The following KLF4 variants were observed in gnomAD, a reference collection of about 807,000 sequenced individuals.
KLF4 encodes the protein KLF transcription factor 4, also known as Krueppel-like factor 4.
In KLF4, 14 loss-of-function variants were observed where a neutral mutation model predicts 38.0. That is an observed-to-expected ratio of 0.37 (90% CI 0.24 to 0.58). The LOEUF (loss-of-function observed/expected upper bound fraction) is 0.58. KLF4 is among the 20% of genes least tolerant of loss of function. The pLI, the probability that KLF4 is intolerant of heterozygous loss-of-function variation, is 0.76. For missense variants in KLF4, 737 were observed against 670.1 expected (o/e 1.10, Z -1.10); for synonymous variants, 398 against 302.5 (o/e 1.32, Z -3.28).
rs1240581626 is a variant in KLF4, at chr9:107,488,911, G to A, written c.126+19C>T. 1.9e-6 allele frequency: 3 copies of A among 1,546,372 alleles called. No individual in the cohort carries two copies. Among genetic ancestry groups the A allele is most frequent in the Admixed American group, 2.0e-5 (1 of 50,792 alleles). On this transcript the variant is annotated intron_variant, in intron 2 of 4. Transcript: ENST00000374672. The surrounding 1 kb of genome is among the most constrained non-coding windows in gnomAD (Gnocchi z 5.7). ...CGAAAACCCACCGGGCGTTCCCGGC[G>A]GCCCGGAGCGATACTCACGTTATTC... is the stretch of plus-strand genomic sequence containing the variant.
In KLF4 at chr9:107,489,323, C is replaced by T; in HGVS notation, c.-151G>A. Reference sequence around the variant, plus strand: ...TGGATTAAATATAACTTGGAAGCGTCTTTTTTAAAAAGTTCCTTTGTATAC... The same window carrying T: ...TGGATTAAATATAACTTGGAAGCGTTTTTTTTAAAAAGTTCCTTTGTATAC... On this transcript the variant is annotated 5_prime_UTR_variant, in exon 1 of 5. Coordinates refer to ENST00000374672, the MANE Select transcript of KLF4 (RefSeq NM_004235.6). 9.0e-7 allele frequency: 1 copy of T among 1,113,188 alleles called. No individual in the cohort carries two copies. Among genetic ancestry groups the T allele is most frequent in the Non-Finnish European group, 1.2e-6 (1 of 830,884 alleles). 69.0% of individuals were successfully genotyped at this position (1,113,188 alleles called of 1,614,324 possible).
At position 107,487,451 on chromosome 9, in the gene KLF4, T is replaced by C. The variant is rs959480861; in HGVS notation, c.943A>G (p.Thr315Ala). Residue 315 changes from threonine (T) to alanine (A), a missense_variant, in exon 3 of 5, where the codon ACT becomes GCT. This residue lies in a region of KLF4 where 695 missense variants were observed against 554.5 expected (regional missense o/e 1.25). Transcript: ENST00000374672. The surrounding 1 kb of genome is among the most constrained non-coding windows in gnomAD (Gnocchi z 6.1). ...FPLGRQLPSR[T>A]TPTLGLEEVL... ...TCCTCAAGACCCAGGGTCGGGGTAG[T>C]CCTGCTGGGGAGCTGCCGCCCCAGG... 6.5e-7 allele frequency: 1 copy of C among 1,532,112 alleles called. No homozygotes were observed. Among genetic ancestry groups the C allele is most frequent in the African/African-American group, 1.4e-5 (1 of 72,588 alleles). 94.9% of individuals were successfully genotyped at this position (1,532,112 alleles called of 1,614,324 possible).
Position 107,488,273 on chromosome 9 carries a change from G to A in KLF4, c.127-6C>T, listed in dbSNP as rs1310569126. The A allele has an allele frequency of 1.3e-6, 2 of 1,590,276 alleles. No homozygotes were observed. Among genetic ancestry groups the A allele is most frequent in the Non-Finnish European group, 1.7e-6 (2 of 1,170,960 alleles). ...GAGAGCTCCTCCCGCCAGCGCTGCG[G>A]GGACAGGGCGGGAGAGACCTGTCAG... is the stretch of plus-strand genomic sequence containing the variant. On this transcript the variant is annotated splice_region_variant and splice_polypyrimidine_tract_variant and intron_variant, in intron 2 of 4. Transcript: ENST00000374672. The surrounding 1 kb of genome is among the most constrained non-coding windows in gnomAD (Gnocchi z 5.7).
Position 107,487,693 on chromosome 9 carries a change from G to A in KLF4, c.701C>T (p.Ser234Leu), listed in dbSNP as rs761126579. 1.2e-6 allele frequency: 2 copies of A among 1,605,376 alleles called. No homozygotes were observed. Among genetic ancestry groups the A allele is most frequent in the Non-Finnish European group, 1.7e-6 (2 of 1,177,992 alleles). ...GTACTCGCTGCCAGGGGCGCTCAGC[G>A]ACGCCTTCAGCACGAACTTGCCCAT... ...GLMGKFVLKA[S>L]LSAPGSEYGS... The change falls in exon 3 of 5, where the codon TCG becomes TTG. Residue 234 changes from serine (S) to leucine (L), a missense_variant. Coordinates refer to ENST00000374672, the MANE Select transcript of KLF4 (RefSeq NM_004235.6). This position sits in a 1 kb window ranked among gnomAD's most constrained non-coding sequence, Gnocchi z 6.1.
At position 107,489,230 on chromosome 9, in the gene KLF4, C is replaced by A; in HGVS notation, c.-58G>T. The A allele has an allele frequency of 6.9e-7, 1 of 1,441,956 alleles. No homozygotes were observed. The highest frequency in any genetic ancestry group is 2.6e-5 in the East Asian group (1 of 38,934). 89.3% of individuals were successfully genotyped at this position (1,441,956 alleles called of 1,614,324 possible). The stretch of plus-strand genomic sequence containing the variant: ...CGAAGCAGCTGGGGCACCTGAACCC[C>A]AAAGTCAACGAAGAGAAGAAACGAA... On this transcript the variant is annotated 5_prime_UTR_variant, in exon 1 of 5. Coordinates refer to ENST00000374672, the MANE Select transcript of KLF4 (RefSeq NM_004235.6).
Position 107,488,468 on chromosome 9 carries a change from C to G in KLF4, c.127-201G>C, listed in dbSNP as rs1564295400. On this transcript the variant is annotated intron_variant, in intron 2 of 4. Transcript: ENST00000374672. This position sits in a 1 kb window ranked among gnomAD's most constrained non-coding sequence, Gnocchi z 5.7. ...AAGAAGAGGTGATGCGTCTGTATTG[C>G]GGGTGTTATGTCCTGTCTGCCCAAT... The G allele has an allele frequency of 9.7e-6, 9 of 931,624 alleles. No individual in the cohort carries two copies. Among genetic ancestry groups the G allele is most frequent in the Middle Eastern group, 3.4e-4 (1 of 2,928 alleles). The allele number at this position is 931,624 out of a possible 1,614,324, so 57.7% of individuals were successfully genotyped here. A position where few individuals can be genotyped will look rare whatever the true frequency, so the allele number is the denominator to read the frequency against.
In KLF4 at chr9:107,487,766, G is replaced by A. The variant is rs1474381247; in HGVS notation, c.628C>T (p.Pro210Ser). Reference protein sequence around the residue: ...VAELLRPELDPVYIPPQQPQP... With the variant: ...VAELLRPELDSVYIPPQQPQP... ...GGCTGCTGCGGCGGAATGTACACCGGGTCCAATTCTGGCCGCAGGAGCTCG... is the reference window on the plus strand; with the variant it reads ...GGCTGCTGCGGCGGAATGTACACCGAGTCCAATTCTGGCCGCAGGAGCTCG... The change falls in exon 3 of 5, where the codon CCG becomes TCG. Residue 210 changes from proline to serine, a missense_variant. Physicochemically the swap from Pro to Ser is moderately conservative, Grantham distance 74. Coordinates refer to ENST00000374672, the MANE Select transcript of KLF4 (RefSeq NM_004235.6). This position sits in a 1 kb window ranked among gnomAD's most constrained non-coding sequence, Gnocchi z 6.1. The A allele has an allele frequency of 1.3e-6, 2 of 1,558,244 alleles. No individual in the cohort carries two copies. Among genetic ancestry groups the A allele is most frequent in the East Asian group, 2.4e-5 (1 of 41,754 alleles).
chr9:107,487,121 T>G lies in KLF4; in HGVS notation c.1171A>C (p.Lys391Gln). 2 of 1,614,182 alleles carry G rather than the reference T, an allele frequency of 1.2e-6. No homozygotes were observed. The highest frequency in any genetic ancestry group is 1.7e-6 in the Non-Finnish European group (2 of 1,180,034). Residue 391 changes from lysine (K) to glutamine (Q), a missense_variant, in exon 4 of 5, where the codon AAA (lysine) becomes CAA (glutamine). Physicochemically the swap from Lys to Gln is moderately conservative, Grantham distance 53. Around this residue, in one of 2 missense-constraint regions of KLF4, gnomAD observed 695 missense variants for 554.5 expected, o/e 1.25. Transcript: ENST00000374672. The surrounding 1 kb of genome is among the most constrained non-coding windows in gnomAD (Gnocchi z 6.1). The part of the protein sequence containing the change: ...PKRGRRSWPR[K>Q]RTATHTCDYA... Reference sequence around the variant, plus strand: ...TCACAAGTGTGGGTGGCGGTCCTTTTCCGGGGCCACGATCGTCTTCCCCTC... The same window carrying G: ...TCACAAGTGTGGGTGGCGGTCCTTTGCCGGGGCCACGATCGTCTTCCCCTC...
chr9:107,486,642 A>AC (rs912828383), intron 4 of KLF4, among the ~76,000 whole-genome samples: 4 of 152,062 alleles, frequency 2.6e-5, no homozygotes, highest in African/African-American at 9.7e-5. Flanking sequence ...TTAAAAAACG[A>AC]TTTTTTTAAA....
rs1829098948 is a variant in KLF4 at position 107,487,689 on chromosome 9, C to A, written c.705G>T (p.Leu235=). 6.2e-7 allele frequency: 1 copy of A among 1,605,972 alleles called. No homozygotes were observed. Among genetic ancestry groups the A allele is most frequent in the Non-Finnish European group, 8.5e-7 (1 of 1,178,448 alleles). Residue 235 remains leucine, a synonymous_variant, in exon 3 of 5, where the codon CTG becomes CTT. Transcript: ENST00000374672. The surrounding 1 kb of genome is among the most constrained non-coding windows in gnomAD (Gnocchi z 6.1). The part of the protein sequence containing the change: ...LMGKFVLKAS[L]SAPGSEYGSP... ...TGCCGTACTCGCTGCCAGGGGCGCT[C>A]AGCGACGCCTTCAGCACGAACTTGC...
rs956063677 is a variant in KLF4, at chr9:107,485,979, G to T, written c.1265-53C>A. 2.1e-5 allele frequency: 33 copies of T among 1,545,252 alleles called. 1 individual carries two copies. The South Asian group carries it at 3.9e-4, about 18-fold the overall frequency. ...GACGCTATTGCTATATCAAAGAATC[G>T]CCCCTTTTAAAAACTGAAGGCCAGA... On this transcript the variant is annotated intron_variant, in intron 4 of 4. Coordinates refer to ENST00000374672, the MANE Select transcript of KLF4 (RefSeq NM_004235.6). The surrounding 1 kb of genome is among the most constrained non-coding windows in gnomAD (Gnocchi z 4.9).
rs756456501 is a variant in KLF4, at chr9:107,488,032, G to A, written c.362C>T (p.Ala121Val). ...NSLTHPPESV[A>V]ATVSSSASAS... Reference sequence around the variant, plus strand: ...TGACGCTGACGAGGACACGGTGGCGGCCACTGACTCCGGAGGATGGGTCAG... The same window carrying A: ...TGACGCTGACGAGGACACGGTGGCGACCACTGACTCCGGAGGATGGGTCAG... Residue 121 changes from alanine to valine, a missense_variant, in exon 3 of 5, where the codon GCC becomes GTC. By Grantham distance (64) the Ala-to-Val change is moderately conservative. Transcript: ENST00000374672. This position sits in a 1 kb window ranked among gnomAD's most constrained non-coding sequence, Gnocchi z 5.7. 5.6e-6 allele frequency: 9 copies of A among 1,610,126 alleles called. No homozygotes were observed. The highest frequency in any genetic ancestry group is 5.9e-6 in the Non-Finnish European group (7 of 1,178,728).
chr9:107,487,937 G>A lies in KLF4; in HGVS notation c.457C>T (p.Pro153Ser). 6.3e-7 allele frequency: 1 copy of A among 1,581,504 alleles called. No individual in the cohort carries two copies. The highest frequency in any genetic ancestry group is 8.6e-7 in the Non-Finnish European group (1 of 1,164,544). The stretch of plus-strand genomic sequence containing the variant: ...CCCGGGTCGTTCCCGGCCCGGATCG[G>A]ATAGGTGAAGCTGCAGGTGGAGGGC... ...SAPSTCSFTYPIRAGNDPGVA... is the reference protein window; with the variant it reads ...SAPSTCSFTYSIRAGNDPGVA... Residue 153 changes from proline (P) to serine (S), a missense_variant, in exon 3 of 5, where the codon CCG (proline) becomes TCG (serine). Coordinates refer to ENST00000374672, the MANE Select transcript of KLF4 (RefSeq NM_004235.6). This position sits in a 1 kb window ranked among gnomAD's most constrained non-coding sequence, Gnocchi z 6.1.
rs142785663 is a variant in KLF4, at chr9:107,485,864, G to A, written c.1327C>T (p.Leu443=). ...CGWKFARSDE[L]TRHYRKHTGH... ...GTGTGTTTACGGTAGTGCCTGGTCA[G>A]TTCATCTGAGCGGGCGAATTTCCAT... is the stretch of plus-strand genomic sequence containing the variant. Residue 443 remains leucine, a synonymous_variant, in exon 5 of 5, where the codon CTG becomes TTG. Transcript: ENST00000374672. This position sits in a 1 kb window ranked among gnomAD's most constrained non-coding sequence, Gnocchi z 4.9. 59 of 1,612,556 alleles carry A rather than the reference G, an allele frequency of 3.7e-5. No homozygotes were observed. Among genetic ancestry groups the A allele is most frequent in the Non-Finnish European group, 4.7e-5 (55 of 1,179,576 alleles).
rs1384868184 is a variant in KLF4 at position 107,485,648 on chromosome 9, G to C, written c.*103C>G. 1.7e-6 allele frequency: 2 copies of C among 1,165,950 alleles called. No individual in the cohort carries two copies. The highest frequency in any genetic ancestry group is 2.4e-6 in the Non-Finnish European group (2 of 847,230). The allele number at this position is 1,165,950 out of a possible 1,614,324, so 72.2% of individuals were successfully genotyped here. Reference sequence around the variant, plus strand: ...AGTTGGGAACTTGACCATGATTGTAGTGCTTTCTGGCTGGGCTCCTTCCCT... The same window carrying C: ...AGTTGGGAACTTGACCATGATTGTACTGCTTTCTGGCTGGGCTCCTTCCCT... On this transcript the variant is annotated 3_prime_UTR_variant, in exon 5 of 5. Transcript: ENST00000374672. This position sits in a 1 kb window ranked among gnomAD's most constrained non-coding sequence, Gnocchi z 4.9.
rs144908650 is a variant in KLF4, at chr9:107,487,398, A to T, written c.996T>A (p.Pro332=). The change falls in exon 3 of 5, where the codon CCT becomes CCA. Residue 332 remains proline (P), a synonymous_variant. Transcript: ENST00000374672. The surrounding 1 kb of genome is among the most constrained non-coding windows in gnomAD (Gnocchi z 6.1). ...GGAAGCCGGGAGGAAGCGGCAGGGC[A>T]GGGTGACAGTCCCTGCTGCTCAGCA... ...EEVLSSRDCH[P]ALPLPPGFHP... The T allele has an allele frequency of 7.2e-6, 11 of 1,527,506 alleles. No individual in the cohort carries two copies. The African/African-American group carries it at 1.5e-4, about 21-fold the overall frequency. The allele number at this position is 1,527,506 out of a possible 1,614,324, so 94.6% of individuals were successfully genotyped here. A position where few individuals can be genotyped will look rare whatever the true frequency, so the allele number is the denominator to read the frequency against.
chr9:107,489,397 C>T lies in KLF4; in HGVS notation c.-225G>A. On this transcript the variant is annotated 5_prime_UTR_variant, in exon 1 of 5. Coordinates refer to ENST00000374672, the MANE Select transcript of KLF4 (RefSeq NM_004235.6). ...ACGCAAAAATAGACAATCAGCAAGG[C>T]GAGTAAGTAGGTCCGGTGGCCGGGC... 1 of 513,746 alleles carries T rather than the reference C, an allele frequency of 1.9e-6. No homozygotes were observed. The allele number at this position is 513,746 out of a possible 1,614,324, so 31.8% of individuals were successfully genotyped here.
chr9:107,487,717 A>G lies in KLF4; in HGVS notation c.677T>C (p.Met226Thr). 2 of 1,600,590 alleles carry G rather than the reference A, an allele frequency of 1.2e-6. No homozygotes were observed. The highest frequency in any genetic ancestry group is 1.7e-6 in the Non-Finnish European group (2 of 1,174,846). ...CGACGCCTTCAGCACGAACTTGCCC[A>G]TCAGCCCGCCACCTGGCGGCTGCGG... ...QQPQPPGGGL[M>T]GKFVLKASLS... The change falls in exon 3 of 5, where the codon ATG becomes ACG. Residue 226 changes from methionine to threonine, a missense_variant. By Grantham distance (81) the Met-to-Thr change is moderately conservative. This residue lies in a region of KLF4 where 695 missense variants were observed against 554.5 expected (regional missense o/e 1.25). Transcript: ENST00000374672. The surrounding 1 kb of genome is among the most constrained non-coding windows in gnomAD (Gnocchi z 6.1).
rs1432218922 is a variant in KLF4, at chr9:107,488,869, C to T, written c.126+61G>A. 7 of 1,523,990 alleles carry T rather than the reference C, an allele frequency of 4.6e-6. No individual in the cohort carries two copies. In the Admixed American group the frequency reaches 1.2e-4, roughly 26 times the overall value. 94.4% of individuals were successfully genotyped at this position (1,523,990 alleles called of 1,614,324 possible). ...CTCTTGGTGACCCCAAGGCTCCGCC[C>T]GCCCCCACCACACCCACGAAAACCC... On this transcript the variant is annotated intron_variant, in intron 2 of 4. Coordinates refer to ENST00000374672, the MANE Select transcript of KLF4 (RefSeq NM_004235.6). The surrounding 1 kb of genome is among the most constrained non-coding windows in gnomAD (Gnocchi z 5.7).
Sources: allele counts gnomAD v4.1 joint callset (sites outside exome capture counted in the v4.1 genomes callset), GRCh38; gene constraint gnomAD v4.1.1; regional missense constraint gnomAD v4.1.1; non-coding constraint Gnocchi (gnomAD v3.1); transcripts MANE v1.5; gene names NCBI Gene and HGNC (gene_info 2026-07-23, HGNC 2026-07-21).